PITPNC1: variants seen among roughly 807,000 people sequenced by gnomAD.
PITPNC1 encodes cytoplasmic phosphatidylinositol transfer protein 1.
PITPNC1 carries 18 observed loss-of-function variants against 44.7 expected under a neutral mutation model. The ratio of observed to expected loss-of-function variants is 0.40; its 90% CI spans 0.28 to 0.60. PITPNC1 has a LOEUF of 0.60. Among genes scored for constraint, PITPNC1 ranks in the 20% least tolerant of loss-of-function variants. PITPNC1 has a pLI of 0.39. For synonymous variants in PITPNC1, 141 were observed against 149.6 expected (o/e 0.94, Z 0.42); for missense variants, 290 against 418.4 (o/e 0.69, Z 2.68).
chr17:67,493,837 A>C (rs1052412735), intron 1 of PITPNC1, among the ~76,000 whole-genome samples: 11 of 152,228 alleles, frequency 7.2e-5, no homozygotes, highest in African/African-American at 2.7e-4. Context: ...CAGAATGAGA[A>C]AAATTCAGGT....
chr17:67,546,149 C>T (rs903062431), intron 2 of PITPNC1, among the ~76,000 whole-genome samples: 2 of 150,444 alleles, frequency 1.3e-5, no homozygotes, highest in Non-Finnish European at 2.9e-5. Context: ...TGCACTCCAG[C>T]CTGGGTGACA....
intron 6 of PITPNC1, among the ~76,000 whole-genome samples, chr17:67,661,624 T>C (rs2042348656): frequency 6.6e-6 from 1 of 152,002 alleles, no homozygotes; most frequent in Non-Finnish European, 1.5e-5. Flanking sequence ...GGCAAAGAAA[T>C]GTGGTCAAGG....
At chr17:67,678,218 T>TA (rs3028851) in intron 8 of PITPNC1, among the ~76,000 whole-genome samples, 53,753 of 146,120 alleles carry the variant, frequency 0.37, 10,689 homozygotes, top group African/African-American at 0.53. Flanking sequence ...CTCGTCTCTT[T>TA]AAAAAAAAAA....
chr17:67,405,092 C>A (rs924867827), intron 1 of PITPNC1, among the ~76,000 whole-genome samples: 2 of 151,990 alleles, frequency 1.3e-5, no homozygotes, highest in South Asian at 4.1e-4. Context: ...ACTAAAAATA[C>A]AAAAATTAGC....
intron 1 of PITPNC1, among the ~76,000 whole-genome samples, chr17:67,512,500 CA>C (rs1006177232): frequency 2.6e-3 from 156 of 59,706 alleles, no homozygotes; most frequent in African/African-American, 5.3e-3. Context: ...GACTGTGTCT[CA>C]AAAAAAAAAA....
chr17:67,447,606 A>G (rs1175185026), intron 1 of PITPNC1, among the ~76,000 whole-genome samples: 1 of 151,630 alleles, frequency 6.6e-6, no homozygotes, highest in Non-Finnish European at 1.5e-5. Flanking sequence ...GGCCCAAGTG[A>G]TCCTCCCACC....
chr17:67,502,361 G>T (rs1451263000), intron 1 of PITPNC1, among the ~76,000 whole-genome samples: 2 of 152,066 alleles, frequency 1.3e-5, no homozygotes, highest in African/African-American at 2.4e-5. Flanking sequence ...CCAGGAAATG[G>T]ATTGAAATTG....
chr17:67,449,931 C>G (rs2039152828), intron 1 of PITPNC1, among the ~76,000 whole-genome samples: 1 of 152,194 alleles, frequency 6.6e-6, no homozygotes, highest in South Asian at 2.1e-4. Flanking sequence ...CTCAAGCGAT[C>G]CTTCTGCCTT....
chr17:67,524,012 A>ATCTTGGCCAGGCTAG (rs2040363874), intron 1 of PITPNC1, among the ~76,000 whole-genome samples: 1 of 151,906 alleles, frequency 6.6e-6, no homozygotes, highest in Non-Finnish European at 1.5e-5. Context: ...GGGTTTCACC[A>ATCTTGGCCAGGCTAG]TCTTGGCCAG....
rs2041852671 is a variant in PITPNC1, at chr17:67,623,035, T to C, written c.367-9108T>C. The stretch of plus-strand genomic sequence containing the variant: ...GTTAAAACATGAATTCTGCTTCCAG[T>C]GTTCCTGCTGGCTGAACCTGTACTT... On this transcript the variant is annotated intron_variant, in intron 5 of 8. Transcript: ENST00000581322. Among the ~76,000 whole-genome samples, 4 of 150,644 alleles carry C rather than the reference T, an allele frequency of 2.7e-5. No homozygotes were observed. In the Admixed American group the frequency reaches 2.7e-4, roughly 10 times the overall value.
At chr17:67,421,950 T>C (rs1306618399) in intron 1 of PITPNC1, among the ~76,000 whole-genome samples, 1 of 152,214 alleles carries the variant, frequency 6.6e-6, no homozygotes, top group Non-Finnish European at 1.5e-5. Flanking sequence ...AAATTATGCA[T>C]GTAGGTGACA....
At chr17:67,383,638 G>A (rs752796991) in intron 1 of PITPNC1, among the ~76,000 whole-genome samples, 1 of 152,134 alleles carries the variant, frequency 6.6e-6, no homozygotes, top group African/African-American at 2.4e-5. Flanking sequence ...TGCCACCCTC[G>A]CCACAGAGGT....
chr17:67,419,397 A>G (rs1391886515), intron 1 of PITPNC1, among the ~76,000 whole-genome samples: 5 of 152,156 alleles, frequency 3.3e-5, no homozygotes, highest in African/African-American at 1.2e-4. Flanking sequence ...AGGAAACATC[A>G]TTTCAAGTTG....
chr17:67,603,051 C>T (rs1351972337), intron 5 of PITPNC1, among the ~76,000 whole-genome samples: 8 of 152,060 alleles, frequency 5.3e-5, no homozygotes, highest in Non-Finnish European at 1.0e-4. Context: ...CCTGGGTCAC[C>T]TCTTACACCA....
At chr17:67,520,517 C>T (rs1041281786) in intron 1 of PITPNC1, among the ~76,000 whole-genome samples, 1 of 152,198 alleles carries the variant, frequency 6.6e-6, no homozygotes, top group African/African-American at 2.4e-5. Flanking sequence ...CATCAGTTTC[C>T]TTCAGTCTTC....
In PITPNC1 at chr17:67,535,680, T is replaced by G. The variant is rs186001854; in HGVS notation, c.197+2730T>G. On this transcript the variant is annotated intron_variant, in intron 2 of 8. Transcript: ENST00000581322. Reference sequence around the variant, plus strand: ...AAGATTAATGGGGACCCTCCACCACTTCCCATGACAAACACAGGATGAAAT... The same window carrying G: ...AAGATTAATGGGGACCCTCCACCACGTCCCATGACAAACACAGGATGAAAT... Among the ~76,000 whole-genome samples the G allele has an allele frequency of 3.0e-4, 45 of 151,992 alleles. 1 individual carries two copies. Among genetic ancestry groups the G allele is most frequent in the Admixed American group, 2.9e-3 (44 of 15,232 alleles).
chr17:67,543,052 C>A (rs1232878547), intron 2 of PITPNC1, among the ~76,000 whole-genome samples: 1 of 152,136 alleles, frequency 6.6e-6, no homozygotes, highest in Non-Finnish European at 1.5e-5. Flanking sequence ...CAGTTAAGGT[C>A]CACAGTTGCC....
intron 1 of PITPNC1, among the ~76,000 whole-genome samples, chr17:67,401,915 ACT>A (rs1161603682): frequency 2.6e-5 from 4 of 151,956 alleles, no homozygotes; most frequent in Admixed American, 6.6e-5. Flanking sequence ...CTGGCTTGCT[ACT>A]CTCAATTCCT....
chr17:67,570,655 G>T (rs2041041573), intron 4 of PITPNC1, among the ~76,000 whole-genome samples: 1 of 152,134 alleles, frequency 6.6e-6, no homozygotes, highest in Admixed American at 6.6e-5. Context: ...GGTTGCAATT[G>T]TCTCCATTTG....
Sources: gnomAD v4.1 joint callset for allele counts (sites outside exome capture counted in the v4.1 genomes callset) on GRCh38, gnomAD v4.1.1 for gene constraint, MANE v1.5 for transcripts, NCBI Gene and HGNC (gene_info 2026-07-23, HGNC 2026-07-21) for gene names.